FGF13: variants seen among roughly 807,000 people sequenced by gnomAD.
FGF13 encodes the protein fibroblast growth factor 13, also known as fibroblast growth factor homologous factor 2.
A neutral mutation model predicts 19.5 loss-of-function variants in FGF13; 2 were observed. That is an observed-to-expected ratio of 0.10 (90% CI 0.04 to 0.32). FGF13 has a LOEUF of 0.32. Ranked by LOEUF, FGF13 falls within the 10% of genes least tolerant of loss-of-function variation. FGF13 has a pLI of 1.00. For missense variants in FGF13, 113 were observed against 192.7 expected (o/e 0.59, Z 2.45); for synonymous variants, 72 against 76.9 (o/e 0.94, Z 0.33).
intron 1 of FGF13, among the ~76,000 whole-genome samples, chrX:139,006,134 A>C (rs2092100376): frequency 9.0e-6 from 1 of 111,597 alleles, no homozygotes; most frequent in African/African-American, 3.3e-5. Flanking sequence ...CAAGGCATTT[A>C]ATAATCAGAC....
chrX:139,191,056 T>C (rs977340758), intron 1 of FGF13, among the ~76,000 whole-genome samples: 1 of 112,294 alleles, frequency 8.9e-6, no homozygotes, highest in African/African-American at 3.2e-5. Context: ...ATATAGTTTT[T>C]ATAAATTGAG....
intron 1 of FGF13, among the ~76,000 whole-genome samples, chrX:138,979,514 C>T (rs2091954807): frequency 9.1e-6 from 1 of 110,275 alleles, no homozygotes; most frequent in Admixed American, 9.7e-5. Flanking sequence ...GGTATATCTT[C>T]CTACCATTTG....
At chrX:139,076,950 C>T (rs1227657126) in intron 1 of FGF13, among the ~76,000 whole-genome samples, 2 of 112,060 alleles carry the variant, frequency 1.8e-5, no homozygotes, top group Non-Finnish European at 3.8e-5. Context: ...AAACCAGCAC[C>T]TAGTACAGGT....
At chrX:138,914,774 G>T (rs959547535) in intron 1 of FGF13, among the ~76,000 whole-genome samples, 3 of 110,762 alleles carry the variant, frequency 2.7e-5, no homozygotes, top group Non-Finnish European at 5.7e-5. Flanking sequence ...AGAAAAGGAA[G>T]TAGTAGGAAA....
chrX:138,865,499 T>TC (rs2091318061), intron 1 of FGF13, among the ~76,000 whole-genome samples: 2 of 100,741 alleles, frequency 2.0e-5, no homozygotes, highest in African/African-American at 7.3e-5. Flanking sequence ...CTCTCTCTCC[T>TC]CTCTCTCTCC....
intron 1 of FGF13, among the ~76,000 whole-genome samples, chrX:139,155,841 T>A (rs1286550741): frequency 2.7e-5 from 3 of 112,006 alleles, no homozygotes; most frequent in Admixed American, 9.4e-5. Flanking sequence ...ATAGACCTGA[T>A]ACAAAAGCAG....
chrX:138,887,842 G>A (rs1379296525), intron 1 of FGF13, among the ~76,000 whole-genome samples: 1 of 111,742 alleles, frequency 8.9e-6, no homozygotes, highest in Non-Finnish European at 1.9e-5. Context: ...CCACTTAAAT[G>A]TGACTGCCTT....
In FGF13 at chrX:138,625,459, TATATATATATACATATATATATATA is replaced by T. The variant is rs1228263404; in HGVS notation, c.*7366_*7390del. The stretch of plus-strand genomic sequence containing the variant: ...GGACAGATGAATGAAGAAAGAAAAT[TATATATATATACATATATATATATA>T]ATATATATATATACATATATATATA... On this transcript the variant is annotated 3_prime_UTR_variant, in exon 5 of 5. Transcript: ENST00000315930. The T allele has an allele frequency of 9.7e-5, 9 of 93,086 alleles. No individual in the cohort carries two copies. Among genetic ancestry groups the T allele is most frequent in the Non-Finnish European group, 1.9e-4 (9 of 47,855 alleles). 7.7% of individuals were successfully genotyped at this position (93,086 alleles called of 1,213,427 possible).
At chrX:138,780,754 C>A (rs2090634227) in intron 3 of FGF13, among the ~76,000 whole-genome samples, 2 of 110,280 alleles carry the variant, frequency 1.8e-5, no homozygotes, top group Admixed American at 9.7e-5. Flanking sequence ...TAGACAGATC[C>A]ACGAGACGGA....
chrX:139,043,897 T>C (rs1046974160), intron 1 of FGF13, among the ~76,000 whole-genome samples: 2 of 112,065 alleles, frequency 1.8e-5, no homozygotes, highest in East Asian at 5.6e-4. Flanking sequence ...ATGCTATTCA[T>C]ATGAAATTTC....
chrX:138,888,067 G>C (rs1014498442), intron 1 of FGF13, among the ~76,000 whole-genome samples: 1 of 112,061 alleles, frequency 8.9e-6, no homozygotes, highest in Non-Finnish European at 1.9e-5. Context: ...CTTCCTACTA[G>C]ACTATAAAGA....
At chrX:138,830,687 TTGTGTG>T (rs144759178) in intron 3 of FGF13, among the ~76,000 whole-genome samples, 1,178 of 87,402 alleles carry the variant, frequency 0.013, 3 homozygotes, top group East Asian at 0.018. Context: ...AAAGGGGTGT[TTGTGTG>T]TGTGTGTGTG....
At chrX:139,091,296 T>G (rs1845574831) in intron 1 of FGF13, among the ~76,000 whole-genome samples, 1 of 110,738 alleles carries the variant, frequency 9.0e-6, no homozygotes, top group African/African-American at 3.3e-5. Context: ...CAGTTTATCA[T>G]CTCCCACAGG....
At chrX:138,961,594 A>T (rs1178298054) in intron 1 of FGF13, among the ~76,000 whole-genome samples, 1 of 111,951 alleles carries the variant, frequency 8.9e-6, no homozygotes, top group African/African-American at 3.3e-5. Flanking sequence ...CCTGCCATAT[A>T]CTACAAGGCT....
In FGF13 at chrX:139,126,641, G is replaced by A. The variant is rs188656874; in HGVS notation, c.-113+76775C>T. 2.7e-5 allele frequency among the ~76,000 whole-genome samples: 3 copies of A among 111,644 alleles called. No homozygotes were observed. The East Asian group carries it at 8.5e-4, about 32-fold the overall frequency. Reference sequence around the variant, plus strand: ...CATTCAATAATCCCCTTGGCACTTAGATGAGGTCACAGTCATGTCCCGTCG... The same window carrying A: ...CATTCAATAATCCCCTTGGCACTTAAATGAGGTCACAGTCATGTCCCGTCG... On this transcript the variant is annotated intron_variant, in intron 1 of 2. Transcript: ENST00000421460.
intron 3 of FGF13, among the ~76,000 whole-genome samples, chrX:138,767,844 A>G (rs1470510780): frequency 8.9e-6 from 1 of 112,280 alleles, no homozygotes; most frequent in Non-Finnish European, 1.9e-5. Flanking sequence ...CCATGGGGGA[A>G]TTTGGAGAAT....
intron 1 of FGF13, among the ~76,000 whole-genome samples, chrX:138,985,920 G>A (rs2091992901): frequency 9.0e-6 from 1 of 111,541 alleles, no homozygotes; most frequent in Non-Finnish European, 1.9e-5. Flanking sequence ...AAGACTGCTG[G>A]CATATGTGGT....
chrX:138,745,080 C>T (rs762742272), intron 3 of FGF13, among the ~76,000 whole-genome samples: 6 of 112,050 alleles, frequency 5.4e-5, no homozygotes, highest in East Asian at 2.8e-4. Context: ...CTATCCTATA[C>T]GAGAGTTAAA....
At chrX:138,641,480 A>T (rs919650542) in intron 3 of FGF13, among the ~76,000 whole-genome samples, 1 of 112,262 alleles carries the variant, frequency 8.9e-6, no homozygotes, top group African/African-American at 3.2e-5. Context: ...TTATTTAAGC[A>T]GGTTTGACTT....
Sources: gnomAD v4.1 joint callset for allele counts (sites outside exome capture counted in the v4.1 genomes callset) on GRCh38, gnomAD v4.1.1 for gene constraint, MANE v1.5 for transcripts, NCBI Gene and HGNC (gene_info 2026-07-23, HGNC 2026-07-21) for gene names.